Variants in DNAJC13 observed in about 807,000 individuals in gnomAD.
DNAJC13 encodes the protein dnaJ homolog subfamily C member 13.
DNAJC13 carries 75 observed loss-of-function variants against 290.5 expected under a neutral mutation model. That is an observed-to-expected ratio of 0.26 (90% confidence interval 0.21 to 0.31). The LOEUF (loss-of-function observed/expected upper bound fraction) is 0.31, where lower values mean the gene tolerates loss of function less well. Ranked by LOEUF, DNAJC13 falls within the 10% of genes least tolerant of loss-of-function variation. The pLI is 1.00. For missense variants in DNAJC13, 2,260 were observed against 2,674.5 expected, an observed-to-expected ratio of 0.85 and a Z score of 3.42; for synonymous variants, 862 against 892.0, an observed-to-expected ratio of 0.97 and a Z score of 0.60.
intron 1 of DNAJC13, among the ~76,000 whole-genome samples, chr3:132,433,719 T>G (rs1208869268): frequency 1.3e-5 from 2 of 152,260 alleles, no homozygotes; most frequent in African/African-American, 4.8e-5. Flanking sequence ...ATCCATTGTG[T>G]GCCATGGCAT....
In DNAJC13 at chr3:132,436,461, A is replaced by G. The variant is rs78498426; in HGVS notation, c.68+1843A>G. Among the ~76,000 whole-genome samples, 486 of 152,340 alleles carry G rather than the reference A, an allele frequency of 3.2e-3. 3 individuals carry two copies. The highest frequency in any genetic ancestry group is 0.011 in the African/African-American group (467 of 41,582). On this transcript the variant is annotated intron_variant, in intron 2 of 55. Coordinates refer to ENST00000260818, the MANE Select transcript of DNAJC13 (RefSeq NM_015268.4). ...TTTATCCATTCATCAACTGACAGAC[A>G]TTTGTGTTGTTCTTACTCTTTTACT...
Position 132,456,841 on chromosome 3 carries a change from T to G in DNAJC13, c.1349+9T>G, listed in dbSNP as rs1223259171. On this transcript the variant is annotated intron_variant, in intron 12 of 55. Transcript: ENST00000260818. ...TTCACTCAGCTTCCAAAGTAAGTTGTCTTCTGAAACTTAACTTCTCTTAGA... is the reference window on the plus strand; with the variant it reads ...TTCACTCAGCTTCCAAAGTAAGTTGGCTTCTGAAACTTAACTTCTCTTAGA... The G allele has an allele frequency of 6.2e-7, 1 of 1,609,820 alleles. No homozygotes were observed. Among genetic ancestry groups the G allele is most frequent in the Admixed American group, 1.7e-5 (1 of 58,960 alleles).
At chr3:132,526,930 G>C (rs9821998) in intron 53 of DNAJC13, among the ~76,000 whole-genome samples, 74,940 of 152,104 alleles carry the variant, frequency 0.49, 21,908 homozygotes, top group African/African-American at 0.8. Flanking sequence ...GCAGAGAGTA[G>C]AATAGTGATT....
intron 1 of DNAJC13, among the ~76,000 whole-genome samples, chr3:132,430,613 A>G (rs1939215480): frequency 6.6e-6 from 1 of 152,230 alleles, no homozygotes; most frequent in Non-Finnish European, 1.5e-5. Context: ...GACTAGGAAT[A>G]CAAACCCCAT....
intron 1 of DNAJC13, among the ~76,000 whole-genome samples, chr3:132,426,684 G>C (rs1939099938): frequency 6.6e-6 from 1 of 152,038 alleles, no homozygotes; most frequent in South Asian, 2.1e-4. Flanking sequence ...GAAATCAATG[G>C]TTGCTTAAGA....
intron 54 of DNAJC13, among the ~76,000 whole-genome samples, chr3:132,529,074 T>G (rs1244248246): frequency 6.6e-6 from 1 of 152,166 alleles, no homozygotes; most frequent in African/African-American, 2.4e-5. Context: ...CAAAACATTT[T>G]CATCACCTCT....
intron 45 of DNAJC13, 39 bp from the exon 46 acceptor site, chr3:132,514,532 A>G: frequency 6.7e-7 from 1 of 1,493,972 alleles, no homozygotes; most frequent in Non-Finnish European, 9.2e-7. Context: ...GTTCAAAATT[A>G]TTTCTGAAAC....
At chr3:132,467,496 T>G in intron 20 of DNAJC13, 183 bp downstream of exon 20, 1 of 557,742 alleles carries the variant, frequency 1.8e-6, no homozygotes, top group Non-Finnish European at 2.9e-6. Flanking sequence ...GACAGAGCCT[T>G]GCTCTGTTGC....
chr3:132,515,015 A>G (rs1360782091), intron 46 of DNAJC13, among the ~76,000 whole-genome samples: 1 of 152,194 alleles, frequency 6.6e-6, no homozygotes, highest in Non-Finnish European at 1.5e-5. Context: ...CTTAAGATAC[A>G]GATGGCCTTG....
At position 132,460,376 on chromosome 3, in the gene DNAJC13, T is replaced by A; in HGVS notation, c.1557+19T>A. ...CCATGTGGTAAGTTATAATTAAATTTGTCTTCATGGTAGATACCATACCAT... is the reference window on the plus strand; with the variant it reads ...CCATGTGGTAAGTTATAATTAAATTAGTCTTCATGGTAGATACCATACCAT... On this transcript the variant is annotated intron_variant, in intron 14 of 55. Coordinates refer to ENST00000260818, the MANE Select transcript of DNAJC13 (RefSeq NM_015268.4). The A allele has an allele frequency of 6.5e-7, 1 of 1,531,484 alleles. No homozygotes were observed. Among genetic ancestry groups the A allele is most frequent in the Non-Finnish European group, 9.0e-7 (1 of 1,106,796 alleles). The allele number at this position is 1,531,484 out of a possible 1,614,324, so 94.9% of individuals were successfully genotyped here.
chr3:132,471,011 C>CG (rs1934218833), intron 20 of DNAJC13, among the ~76,000 whole-genome samples: 1 of 122,332 alleles, frequency 8.2e-6, no homozygotes, highest in African/African-American at 3.2e-5. Context: ...GCTGGCCGGG[C>CG]GGAGGGCTGA....
chr3:132,459,743 G>A (rs1053100262), intron 13 of DNAJC13, among the ~76,000 whole-genome samples: 3 of 152,104 alleles, frequency 2.0e-5, no homozygotes, highest in African/African-American at 4.8e-5. Context: ...CTTTACAGCT[G>A]AGGAAAATGA....
At chr3:132,470,435 C>T (rs1368310123) in intron 20 of DNAJC13, among the ~76,000 whole-genome samples, 2 of 104,708 alleles carry the variant, frequency 1.9e-5, no homozygotes, top group Admixed American at 9.0e-5. Context: ...TTTTCCCCAC[C>T]TTTCCTGCCT....
intron 1 of DNAJC13, among the ~76,000 whole-genome samples, chr3:132,424,512 T>C (rs1319018705): frequency 6.6e-6 from 1 of 152,164 alleles, no homozygotes; most frequent in East Asian, 1.9e-4. Flanking sequence ...TTCATTAATA[T>C]ATACTCAGTT....
At position 132,450,782 on chromosome 3, in the gene DNAJC13, G is replaced by A. The variant is rs1933393460; in HGVS notation, c.472G>A (p.Gly158Arg). Residue 158 changes from glycine (G) to arginine (R), a missense_variant, in exon 6 of 56, where the codon GGA (glycine) becomes AGA (arginine). Coordinates refer to ENST00000260818, the MANE Select transcript of DNAJC13 (RefSeq NM_015268.4). ...LCSYDYRNIEGFVDLSDYQGG... is the reference protein window; with the variant it reads ...LCSYDYRNIERFVDLSDYQGG... ...TTCCTATGACTATAGAAATATTGAA[G>A]GATTTGTAGATCTCTCAGATTATCA... The A allele has an allele frequency of 2.5e-6, 4 of 1,608,804 alleles. No individual in the cohort carries two copies. The highest frequency in any genetic ancestry group is 3.4e-6 in the Non-Finnish European group (4 of 1,176,032).
chr3:132,447,980 A>G, intron 5 of DNAJC13, 41 bp downstream of exon 5: 2 of 1,333,280 alleles, frequency 1.5e-6, no homozygotes, highest in Non-Finnish European at 2.1e-6. Flanking sequence ...ATTTGTTCAA[A>G]TGTTGCCCTT....
At chr3:132,453,952 AC>A (rs1933503717) in intron 8 of DNAJC13, 113 bp from the exon 9 acceptor site, 2 of 878,972 alleles carry the variant, frequency 2.3e-6, no homozygotes, top group East Asian at 5.4e-5. Flanking sequence ...TATATTGTAA[AC>A]AAGTCACATC....
rs115335218 is a variant in DNAJC13, at chr3:132,536,041, G to C, written c.6626-2135G>C. 4.4e-3 allele frequency among the ~76,000 whole-genome samples: 671 copies of C among 152,276 alleles called. 7 individuals are homozygous for C. Among genetic ancestry groups the C allele is most frequent in the African/African-American group, 0.014 (599 of 41,548 alleles). ...ATTTCACCATTTAGATTTTAGCTCA[G>C]AGGTTCCCACATTTTCTCAGTTCAC... On this transcript the variant is annotated intron_variant, in intron 55 of 55. Transcript: ENST00000260818.
intron 29 of DNAJC13, 55 bp from the exon 30 acceptor site, chr3:132,488,243 A>G: frequency 6.7e-7 from 1 of 1,495,002 alleles, no homozygotes; most frequent in Non-Finnish European, 9.0e-7. Flanking sequence ...AAAAAACCTA[A>G]AGTGATGATG....
Sources: gnomAD v4.1 joint callset for allele counts (sites outside exome capture counted in the v4.1 genomes callset) on GRCh38, gnomAD v4.1.1 for gene constraint, MANE v1.5 for transcripts, NCBI Gene and HGNC (gene_info 2026-07-23, HGNC 2026-07-21) for gene names.